The following MTPN variants were observed in gnomAD, a reference collection of about 807,000 sequenced individuals.
The protein encoded by MTPN is myotrophin, also known as granule cell differentiation protein.
A neutral mutation model predicts 13.5 loss-of-function variants in MTPN; 2 were observed. That is an observed-to-expected ratio of 0.15 (90% confidence interval 0.06 to 0.47). The LOEUF is 0.47. Ranked by LOEUF, MTPN falls within the 20% of genes least tolerant of loss-of-function variation. MTPN has a pLI of 0.97. For missense variants in MTPN, 79 were observed against 137.9 expected (o/e 0.57, Z 2.14); for synonymous variants, 46 against 51.7 (o/e 0.89, Z 0.48).
At position 135,927,910 on chromosome 7, in the gene MTPN, T is replaced by TACA; in HGVS notation, c.*2013_*2015dup. 3.3e-6 allele frequency: 1 copy of TACA among 305,482 alleles called. No homozygotes were observed. Among genetic ancestry groups the TACA allele is most frequent in the South Asian group, 3.0e-5 (1 of 32,950 alleles). 18.9% of individuals were successfully genotyped at this position (305,482 alleles called of 1,614,324 possible). A position where few individuals can be genotyped will look rare whatever the true frequency, so the allele number is the denominator to read the frequency against. ...CAATGCACTCTCTGCAATAGCCAAC[T>TACA]ACAACAAAACACTTTGAAAGTAAAG... On this transcript the variant is annotated 3_prime_UTR_variant, in exon 4 of 4. Transcript: ENST00000393085.
chr7:135,957,500 T>C (rs1412439579), intron 1 of MTPN, among the ~76,000 whole-genome samples: 2 of 150,184 alleles, frequency 1.3e-5, no homozygotes, highest in East Asian at 2.0e-4. Context: ...TGTTAAAAAA[T>C]TGGAAAGAAA....
intron 1 of MTPN, among the ~76,000 whole-genome samples, chr7:135,970,493 A>C (rs2116409731): frequency 6.6e-6 from 1 of 152,234 alleles, no homozygotes; most frequent in South Asian, 2.1e-4. Context: ...CACCTAATCA[A>C]TTTTATATTT....
At chr7:135,969,231 AG>A (rs1799654761) in intron 1 of MTPN, among the ~76,000 whole-genome samples, 1 of 134,036 alleles carries the variant, frequency 7.5e-6, no homozygotes, top group Non-Finnish European at 1.6e-5. Context: ...TAAAACTTAA[AG>A]TATAATAAAA....
chr7:135,944,434 G>C (rs1799258741), intron 3 of MTPN, among the ~76,000 whole-genome samples: 1 of 152,114 alleles, frequency 6.6e-6, no homozygotes, highest in African/African-American at 2.4e-5. Context: ...CCAGCACTTT[G>C]GGAGGCCGAG....
At chr7:135,955,404 G>A (rs1468046061) in intron 1 of MTPN, among the ~76,000 whole-genome samples, 2 of 152,126 alleles carry the variant, frequency 1.3e-5, no homozygotes, top group African/African-American at 4.8e-5. Flanking sequence ...GGAAAAGAGC[G>A]AAGATACAAA....
intron 3 of MTPN, among the ~76,000 whole-genome samples, chr7:135,949,378 T>C (rs1314566863): frequency 6.6e-6 from 1 of 152,182 alleles, no homozygotes; most frequent in African/African-American, 2.4e-5. Context: ...TGGAAATCTT[T>C]GCGAGCACAC....
intron 3 of MTPN, among the ~76,000 whole-genome samples, chr7:135,940,702 C>T (rs867391577): frequency 6.6e-6 from 1 of 152,266 alleles, no homozygotes; most frequent in Middle Eastern, 3.4e-3. Context: ...TACCCATGGC[C>T]TCTCCCCCCA....
intron 3 of MTPN, among the ~76,000 whole-genome samples, chr7:135,938,298 C>A (rs1004241430): frequency 2.6e-5 from 4 of 152,174 alleles, no homozygotes; most frequent in Non-Finnish European, 4.4e-5. Flanking sequence ...ACATACCCTT[C>A]CCCCTTGGAA....
chr7:135,972,316 T>C (rs1799710317), intron 1 of MTPN, among the ~76,000 whole-genome samples: 1 of 152,216 alleles, frequency 6.6e-6, no homozygotes, highest in Non-Finnish European at 1.5e-5. Context: ...ACTTAGTTTG[T>C]GACCTTGTCA....
intron 3 of MTPN, among the ~76,000 whole-genome samples, chr7:135,947,863 T>C (rs1484322124): frequency 6.6e-6 from 1 of 152,230 alleles, no homozygotes; most frequent in Non-Finnish European, 1.5e-5. Context: ...ATATAAAGTT[T>C]GATTTCAAAT....
Position 135,946,218 on chromosome 7 carries a change from G to A in MTPN, c.270+4381C>T, listed in dbSNP as rs545522762. 1.6e-4 allele frequency among the ~76,000 whole-genome samples: 25 copies of A among 152,266 alleles called. No homozygotes were observed. The South Asian group carries it at 4.6e-3, about 28-fold the overall frequency. On this transcript the variant is annotated intron_variant, in intron 3 of 3. Transcript: ENST00000393085. ...TTTGTGCAACCTTGCTATTATTCAA[G>A]TGTTTAAGATTTTAATCAGAAAGAC...
intron 1 of MTPN, among the ~76,000 whole-genome samples, chr7:135,967,225 C>G (rs957659183): frequency 6.6e-6 from 1 of 151,996 alleles, no homozygotes; most frequent in Admixed American, 6.6e-5. Context: ...AGCCCATAAG[C>G]TCTCAAATTT....
At chr7:135,950,118 C>G (rs1047516125) in intron 3 of MTPN, among the ~76,000 whole-genome samples, 2 of 152,140 alleles carry the variant, frequency 1.3e-5, no homozygotes, top group African/African-American at 4.8e-5. Context: ...CCAAATTTAC[C>G]ACTATCTCAA....
At chr7:135,941,525 T>C (rs1584808345) in intron 3 of MTPN, among the ~76,000 whole-genome samples, 1 of 152,154 alleles carries the variant, frequency 6.6e-6, no homozygotes, top group African/African-American at 2.4e-5. Context: ...AAGAGGCAGG[T>C]ACTTCAAGTT....
At chr7:135,954,576 C>T (rs888326797) in intron 1 of MTPN, among the ~76,000 whole-genome samples, 3 of 152,100 alleles carry the variant, frequency 2.0e-5, no homozygotes, top group African/African-American at 7.2e-5. Flanking sequence ...TAGAGTGAGA[C>T]AAAGCAAATA....
intron 3 of MTPN, among the ~76,000 whole-genome samples, chr7:135,942,747 A>G (rs1476941901): frequency 6.6e-6 from 1 of 152,220 alleles, no homozygotes; most frequent in East Asian, 1.9e-4. Flanking sequence ...CAGAAGAGAA[A>G]GCTTAGGCTG....
intron 1 of MTPN, among the ~76,000 whole-genome samples, chr7:135,953,033 G>C (rs1799387868): frequency 6.6e-6 from 1 of 152,072 alleles, no homozygotes; most frequent in African/African-American, 2.4e-5. Context: ...GCCATACCCT[G>C]AATCAAGATG....
intron 1 of MTPN, among the ~76,000 whole-genome samples, chr7:135,966,040 T>C (rs1241080506): frequency 3.9e-5 from 6 of 151,970 alleles, no homozygotes; most frequent in Admixed American, 6.6e-5. Flanking sequence ...TAATATAGGG[T>C]TCTTAATTTC....
chr7:135,934,677 C>T (rs1436565252), intron 3 of MTPN, among the ~76,000 whole-genome samples: 2 of 152,152 alleles, frequency 1.3e-5, no homozygotes, highest in African/African-American at 4.8e-5. Context: ...AAGTCACTAA[C>T]GTCCTGTAAA....
Sources: gnomAD v4.1 joint callset for allele counts (sites outside exome capture counted in the v4.1 genomes callset) on GRCh38, gnomAD v4.1.1 for gene constraint, MANE v1.5 for transcripts, NCBI Gene and HGNC (gene_info 2026-07-23, HGNC 2026-07-21) for gene names.